Variants in PTCHD1 observed in about 807,000 individuals in gnomAD.
The protein encoded by PTCHD1 is patched domain containing 1.
In PTCHD1, 3 loss-of-function variants were observed where a neutral mutation model predicts 34.6. The observed-to-expected ratio is 0.09, with a 90% CI of 0.04 to 0.22. The LOEUF (loss-of-function observed/expected upper bound fraction) is 0.22, where lower values mean the gene tolerates loss of function less well. Among genes scored for constraint, PTCHD1 ranks in the 10% least tolerant of loss-of-function variants. The pLI, the probability that PTCHD1 is intolerant of heterozygous loss-of-function variation, is 1.00. For synonymous variants in PTCHD1, 305 were observed against 283.1 expected, an observed-to-expected ratio of 1.08 and a Z score of -0.77; for missense variants, 504 against 685.5, an observed-to-expected ratio of 0.74 and a Z score of 2.96.
rs1007773734 is a variant in PTCHD1 at position 23,404,072 on chromosome X, A to G, written c.*9887A>G. 8.9e-6 allele frequency: 1 copy of G among 112,125 alleles called. No homozygotes were observed. The highest frequency in any genetic ancestry group is 1.9e-5 in the Non-Finnish European group (1 of 53,239). The allele number at this position is 112,125 out of a possible 1,213,427, so 9.2% of individuals were successfully genotyped here. A position where few individuals can be genotyped will look rare whatever the true frequency, so the allele number is the denominator to read the frequency against. ...CCAGAGGGCGATCTTTCATGCTTGC[A>G]CATCGAGTTTATACAATGTAGAAGC... On this transcript the variant is annotated 3_prime_UTR_variant, in exon 3 of 3. Transcript: ENST00000379361.
chrX:23,388,822 C>T (rs1023116356), intron 2 of PTCHD1, among the ~76,000 whole-genome samples: 11 of 108,410 alleles, frequency 1.0e-4, no homozygotes, highest in Admixed American at 3.9e-4. Context: ...CAGAGTGAGA[C>T]TCCGTCTCGA....
intron 1 of PTCHD1, among the ~76,000 whole-genome samples, chrX:23,353,532 T>A (rs968766794): frequency 3.0e-4 from 34 of 111,578 alleles, no homozygotes; most frequent in Admixed American, 1.2e-3. Context: ...GAGGTTGCGG[T>A]GAGCGGAGAT....
intron 1 of PTCHD1, among the ~76,000 whole-genome samples, chrX:23,376,960 C>T (rs1175920156): frequency 8.9e-6 from 1 of 112,038 alleles, no homozygotes; most frequent in African/African-American, 3.2e-5. Context: ...CTCCTATGGT[C>T]TTGTAGTACG....
intron 2 of PTCHD1, among the ~76,000 whole-genome samples, chrX:23,390,343 A>C (rs980525582): frequency 2.7e-5 from 3 of 109,529 alleles, no homozygotes; most frequent in Non-Finnish European, 3.8e-5. Flanking sequence ...AAAAAAAAAA[A>C]AACAAAAAAA....
chrX:23,363,908 A>C (rs1312390295), intron 1 of PTCHD1, among the ~76,000 whole-genome samples: 1 of 112,888 alleles, frequency 8.9e-6, no homozygotes. Flanking sequence ...CAAAGTTTAT[A>C]GCAGTTTTAA....
intron 1 of PTCHD1, among the ~76,000 whole-genome samples, chrX:23,342,261 T>A (rs1341975138): frequency 1.1e-5 from 1 of 87,693 alleles, no homozygotes; most frequent in African/African-American, 3.7e-5. Context: ...ATGCTGTGTT[T>A]CTCCCTATAT....
intron 2 of PTCHD1, among the ~76,000 whole-genome samples, chrX:23,381,909 T>G (rs1220763658): frequency 8.9e-6 from 1 of 112,040 alleles, no homozygotes; most frequent in Non-Finnish European, 1.9e-5. Context: ...TATTAGTAGC[T>G]TCCACAGAGG....
Position 23,402,840 on chromosome X carries a change from A to G in PTCHD1, c.*8655A>G, listed in dbSNP as rs1034344003. 8.9e-6 allele frequency: 1 copy of G among 112,709 alleles called. No homozygotes were observed. Among genetic ancestry groups the G allele is most frequent in the African/African-American group, 3.2e-5 (1 of 31,047 alleles). The allele number at this position is 112,709 out of a possible 1,213,427, so 9.3% of individuals were successfully genotyped here. A position where few individuals can be genotyped will look rare whatever the true frequency, so the allele number is the denominator to read the frequency against. On this transcript the variant is annotated 3_prime_UTR_variant, in exon 3 of 3. Transcript: ENST00000379361. The stretch of plus-strand genomic sequence containing the variant: ...TGTAAAAAATATGTCTACATAGCCA[A>G]TGCTCTTAGTATTTTTAACAGCAAA...
intron 1 of PTCHD1, among the ~76,000 whole-genome samples, chrX:23,364,411 CA>C (rs1327357690): frequency 5.8e-5 from 6 of 104,107 alleles, no homozygotes; most frequent in African/African-American, 1.0e-4. Context: ...CACACACACA[CA>C]CACCGTATTC....
chrX:23,361,307 C>A (rs991832875), intron 1 of PTCHD1, among the ~76,000 whole-genome samples: 9 of 111,632 alleles, frequency 8.1e-5, no homozygotes, highest in Non-Finnish European at 1.9e-5. Flanking sequence ...GGTCTCTAAG[C>A]ACTTGCCTTA....
chrX:23,354,145 G>A (rs1921730816), intron 1 of PTCHD1, among the ~76,000 whole-genome samples: 2 of 111,276 alleles, frequency 1.8e-5, no homozygotes, highest in Non-Finnish European at 3.8e-5. Context: ...GGCCGAGGAA[G>A]CGGGAAGTAC....
intron 1 of PTCHD1, among the ~76,000 whole-genome samples, chrX:23,359,461 G>C (rs1040819248): frequency 2.7e-5 from 3 of 111,934 alleles, no homozygotes; most frequent in Non-Finnish European, 5.6e-5. Context: ...TCTGTTATTA[G>C]TGTATGGGAA....
intron 1 of PTCHD1, among the ~76,000 whole-genome samples, chrX:23,347,915 C>A (rs1158572460): frequency 8.9e-6 from 1 of 111,825 alleles, no homozygotes; most frequent in South Asian, 3.8e-4. Context: ...GAAGCTGAGA[C>A]AGGAGGGTCA....
At chrX:23,380,629 T>G (rs1468951673) in intron 2 of PTCHD1, among the ~76,000 whole-genome samples, 1 of 110,392 alleles carries the variant, frequency 9.1e-6, no homozygotes, top group Non-Finnish European at 1.9e-5. Flanking sequence ...AGTATGGGAG[T>G]GAGGAAGTGG....
intron 1 of PTCHD1, among the ~76,000 whole-genome samples, chrX:23,371,037 G>A (rs1156892605): frequency 1.8e-5 from 2 of 110,964 alleles, no homozygotes; most frequent in African/African-American, 3.3e-5. Flanking sequence ...AAACACTGAC[G>A]AAAGCTCAGG....
chrX:23,345,042 T>C (rs746480247), intron 1 of PTCHD1, among the ~76,000 whole-genome samples: 2 of 112,178 alleles, frequency 1.8e-5, no homozygotes, highest in South Asian at 7.6e-4. Context: ...AAAGTGATAA[T>C]TGTAAAGTCC....
intron 1 of PTCHD1, among the ~76,000 whole-genome samples, chrX:23,371,614 G>A (rs944749057): frequency 9.0e-6 from 1 of 111,216 alleles, no homozygotes; most frequent in Non-Finnish European, 1.9e-5. Flanking sequence ...CACTGAAGTG[G>A]TAAGGATGAG....
In PTCHD1 at chrX:23,377,860, A is replaced by G. The variant is rs1052255668; in HGVS notation, c.352-1731A>G. 2.7e-5 allele frequency among the ~76,000 whole-genome samples: 3 copies of G among 111,708 alleles called. No individual in the cohort carries two copies. In the East Asian group the frequency reaches 8.4e-4, roughly 31 times the overall value. On this transcript the variant is annotated intron_variant, in intron 1 of 2. Coordinates refer to ENST00000379361, the MANE Select transcript of PTCHD1 (RefSeq NM_173495.3). Reference sequence around the variant, plus strand: ...CACATGCGCAGCAAAATGTCTTAACAGATAGTCTATTTAGCACAGATTTGA... The same window carrying G: ...CACATGCGCAGCAAAATGTCTTAACGGATAGTCTATTTAGCACAGATTTGA...
chrX:23,388,776 A>C (rs1922747736), intron 2 of PTCHD1, among the ~76,000 whole-genome samples: 1 of 111,155 alleles, frequency 9.0e-6, no homozygotes, highest in Non-Finnish European at 1.9e-5. Flanking sequence ...GGCTGCAGCG[A>C]GCAGAGATTG....
Sources: gnomAD v4.1 joint callset for allele counts (sites outside exome capture counted in the v4.1 genomes callset) on GRCh38, gnomAD v4.1.1 for gene constraint, MANE v1.5 for transcripts, NCBI Gene and HGNC (gene_info 2026-07-23, HGNC 2026-07-21) for gene names.